The following DRC8 variants were observed in gnomAD, a reference collection of about 807,000 sequenced individuals.
DRC8 encodes dynein regulatory complex subunit 8.
At chr1:245,007,658 G>A in the DRC8 span, among the ~76,000 whole-genome samples, 1 of 152,170 alleles carries the variant, frequency 6.6e-6, no homozygotes, top group Admixed American at 6.5e-5. Context: ...ACTTTTCTGT[G>A]TGTTTGAAAA....
At chr1:245,109,784 C>G in the DRC8 span, among the ~76,000 whole-genome samples, 22 of 152,210 alleles carry the variant, frequency 1.4e-4, no homozygotes, top group Admixed American at 6.5e-5. Flanking sequence ...AGACCCGGCT[C>G]TCTGCTACAA....
chr1:244,970,489 G>A, the DRC8 span: 24 of 1,520,948 alleles, frequency 1.6e-5, no homozygotes, highest in Non-Finnish European at 2.0e-5. Flanking sequence ...CGCCCGCCGC[G>A]ACCCCGGGCT....
chr1:245,007,197 C>T, the DRC8 span, among the ~76,000 whole-genome samples: 1 of 151,562 alleles, frequency 6.6e-6, no homozygotes, highest in Non-Finnish European at 1.5e-5. Flanking sequence ...GTGGGCCATT[C>T]TGTATGATGC....
At chr1:245,053,997 C>T in the DRC8 span, among the ~76,000 whole-genome samples, 11 of 148,608 alleles carry the variant, frequency 7.4e-5, no homozygotes, top group Middle Eastern at 3.4e-3. Flanking sequence ...CAGTGAACAA[C>T]GCCCGCATCA....
At chr1:245,048,986 CTTTTTTTTTTT>C in the DRC8 span, among the ~76,000 whole-genome samples, 1 of 137,874 alleles carries the variant, frequency 7.3e-6, no homozygotes, top group Non-Finnish European at 1.6e-5. Context: ...TTTTTCTTTT[CTTTTTTTTTTT>C]TTTTTTGAGA....
At chr1:245,095,740 AT>A in the DRC8 span, among the ~76,000 whole-genome samples, 1 of 152,194 alleles carries the variant, frequency 6.6e-6, no homozygotes, top group Non-Finnish European at 1.5e-5. Flanking sequence ...AGTTTTCACT[AT>A]TATAATAAAT....
the DRC8 span, among the ~76,000 whole-genome samples, chr1:245,073,044 A>C: frequency 6.6e-6 from 1 of 152,326 alleles, no homozygotes; most frequent in South Asian, 2.1e-4. Context: ...TGTTTATAGC[A>C]ATACAAGAAC....
the DRC8 span, among the ~76,000 whole-genome samples, chr1:245,046,188 A>G: frequency 1.3e-5 from 2 of 151,970 alleles, 1 homozygote; most frequent in South Asian, 4.2e-4. Flanking sequence ...TTCCTGTCTA[A>G]TGTCTTGTTT....
At chr1:245,123,965 G>A in the DRC8 span, 1,475 of 152,392 alleles carry the variant, frequency 9.7e-3, 12 homozygotes, top group Non-Finnish European at 0.016. This position sits in a 1 kb window ranked among gnomAD's most constrained non-coding sequence, Gnocchi z 5.0. Context: ...CTGGAGTGTA[G>A]TGGCATGATC....
chr1:244,970,452 G>C, the DRC8 span: 1 of 1,525,732 alleles, frequency 6.6e-7, no homozygotes, highest in Non-Finnish European at 8.7e-7. Context: ...AGGTAAGGTA[G>C]GGGAGCCGGG....
the DRC8 span, among the ~76,000 whole-genome samples, chr1:245,081,821 A>G: frequency 1.3e-5 from 2 of 152,066 alleles, no homozygotes; most frequent in Admixed American, 6.5e-5. Flanking sequence ...CCCTCACTGT[A>G]CTTACATCAG....
the DRC8 span, chr1:245,087,523 C>A: frequency 7.4e-7 from 1 of 1,347,348 alleles, no homozygotes; most frequent in Admixed American, 3.7e-5. Flanking sequence ...CACTTTAAAC[C>A]AAATTTAGTA....
chr1:245,108,081 C>A, the DRC8 span, among the ~76,000 whole-genome samples: 1 of 152,124 alleles, frequency 6.6e-6, no homozygotes, highest in African/African-American at 2.4e-5. Flanking sequence ...AAGTCCACCC[C>A]GTCTTTTCAA....
the DRC8 span, among the ~76,000 whole-genome samples, chr1:245,067,520 T>C: frequency 6.6e-6 from 1 of 152,212 alleles, no homozygotes; most frequent in African/African-American, 2.4e-5. Flanking sequence ...TTCCTACACT[T>C]TTCATCTTGG....
At chr1:245,079,923 C>T in the DRC8 span, among the ~76,000 whole-genome samples, 1 of 152,150 alleles carries the variant, frequency 6.6e-6, no homozygotes, top group Non-Finnish European at 1.5e-5. Context: ...CTGCAAAATG[C>T]TCGCCTTGGA....
At chr1:245,120,279 G>A in the DRC8 span, among the ~76,000 whole-genome samples, 2 of 152,052 alleles carry the variant, frequency 1.3e-5, no homozygotes, top group South Asian at 2.1e-4. Context: ...CGCCCTTCAC[G>A]CATCTCTACA....
At chr1:245,076,283 A>G in the DRC8 span, among the ~76,000 whole-genome samples, 2 of 152,226 alleles carry the variant, frequency 1.3e-5, no homozygotes, top group African/African-American at 4.8e-5. Context: ...CAGAGTTCAC[A>G]AAGCACCTTC....
At chr1:245,070,539 G>A in the DRC8 span, among the ~76,000 whole-genome samples, 12 of 152,112 alleles carry the variant, frequency 7.9e-5, no homozygotes, top group African/African-American at 1.7e-4. Context: ...ATTTTAATTC[G>A]TATTTGTTTT....
chr1:244,978,817 G>A, the DRC8 span, among the ~76,000 whole-genome samples: 2 of 152,036 alleles, frequency 1.3e-5, no homozygotes, highest in African/African-American at 4.8e-5. Flanking sequence ...AAATGCACTA[G>A]TAAAATTGGG....
Sources: gnomAD v4.1 joint callset for allele counts (sites outside exome capture counted in the v4.1 genomes callset) on GRCh38, gnomAD v4.1.1 for gene constraint, Gnocchi (gnomAD v3.1) non-coding constraint, MANE v1.5 for transcripts, NCBI Gene and HGNC (gene_info 2026-07-23, HGNC 2026-07-21) for gene names.